MICAL3: variants seen among roughly 807,000 people sequenced by gnomAD.
MICAL3 encodes the protein [F-actin]-monooxygenase MICAL3.
Under a neutral mutation model 207.4 loss-of-function variants are expected in MICAL3, and 62 were observed. That is an observed-to-expected ratio of 0.30 (90% CI 0.24 to 0.37). The LOEUF is 0.37. MICAL3 is among the 10% of genes least tolerant of loss of function. The pLI is 1.00. For missense variants in MICAL3, 2,368 were observed against 2,635.6 expected, an observed-to-expected ratio of 0.90 and a Z score of 2.22; for synonymous variants, 1,077 against 1,069.3, an observed-to-expected ratio of 1.01 and a Z score of -0.14.
chr22:17,901,398 TGA>T (rs1408979952), intron 5 of MICAL3, among the ~76,000 whole-genome samples: 3 of 151,960 alleles, frequency 2.0e-5, no homozygotes, highest in African/African-American at 7.3e-5. Context: ...CTGGGCCAGG[TGA>T]GGTGGTTCAC....
At chr22:17,884,381 G>A in intron 16 of MICAL3, 1 of 1,565,120 alleles carries the variant, frequency 6.4e-7, no homozygotes, top group Non-Finnish European at 8.7e-7. Flanking sequence ...GGCCAAGTGT[G>A]GGTGGGGACA....
intron 1 of MICAL3, among the ~76,000 whole-genome samples, chr22:17,953,128 C>T (rs1008902329): frequency 6.6e-6 from 1 of 152,208 alleles, no homozygotes; most frequent in African/African-American, 2.4e-5. Context: ...GGGAAGCACT[C>T]CCATATCTTT....
intron 12 of MICAL3, 111 bp from the exon 13 acceptor site, chr22:17,889,341 G>T: frequency 1.5e-6 from 1 of 689,478 alleles, no homozygotes; most frequent in African/African-American, 1.8e-5. Flanking sequence ...AATCCAGGGT[G>T]CTGTGCATCG....
At chr22:17,942,501 C>T (rs886915439) in intron 1 of MICAL3, among the ~76,000 whole-genome samples, 4 of 152,192 alleles carry the variant, frequency 2.6e-5, no homozygotes, top group African/African-American at 9.6e-5. Context: ...TGTGCAGATC[C>T]ATGGGCATGA....
chr22:17,877,529 G>T (rs62240575), intron 16 of MICAL3, among the ~76,000 whole-genome samples: 1,888 of 40,126 alleles, frequency 0.047, 28 homozygotes, highest in East Asian at 0.071. Flanking sequence ...TTAGGGAGGT[G>T]AGGGAGGTTA....
chr22:17,827,802 G>A, intron 21 of MICAL3, 21 bp from the exon 22 acceptor site: 1 of 1,533,672 alleles, frequency 6.5e-7, no homozygotes. Flanking sequence ...AGGGTCAAGG[G>A]GTGGAGAAAT....
chr22:17,941,684 A>G (rs1052596954), intron 1 of MICAL3, among the ~76,000 whole-genome samples: 9 of 152,220 alleles, frequency 5.9e-5, no homozygotes, highest in African/African-American at 1.9e-4. Context: ...AGAAAAATGT[A>G]TTTTTACTAT....
chr22:17,827,093 T>C (rs5992867), intron 22 of MICAL3, among the ~76,000 whole-genome samples: 44,339 of 152,088 alleles, frequency 0.29, 6,883 homozygotes, highest in Non-Finnish European at 0.34. Context: ...CTTCTCTTAT[T>C]GCTATTCCTT....
At chr22:17,951,279 C>T (rs550888503) in intron 1 of MICAL3, among the ~76,000 whole-genome samples, 9 of 152,204 alleles carry the variant, frequency 5.9e-5, no homozygotes, top group East Asian at 1.9e-4. Flanking sequence ...GATCTGGACC[C>T]GGGGTCCGTC....
At chr22:17,968,140 G>C (rs890117111) in intron 1 of MICAL3, among the ~76,000 whole-genome samples, 6 of 152,308 alleles carry the variant, frequency 3.9e-5, no homozygotes, top group African/African-American at 1.4e-4. Flanking sequence ...CGGAAGAAAG[G>C]GTGGATCTGA....
chr22:17,919,232 T>C (rs955850079), intron 1 of MICAL3, among the ~76,000 whole-genome samples: 12 of 152,142 alleles, frequency 7.9e-5, no homozygotes, highest in African/African-American at 2.9e-4. Context: ...GCATAGCTAA[T>C]TGTTTTTTAC....
At chr22:17,981,176 T>A (rs1177296562) in intron 1 of MICAL3, among the ~76,000 whole-genome samples, 3 of 152,034 alleles carry the variant, frequency 2.0e-5, no homozygotes, top group Admixed American at 6.6e-5. Context: ...TAAATATATA[T>A]CATAAAATAC....
chr22:17,965,672 G>A (rs1335827551), intron 1 of MICAL3, among the ~76,000 whole-genome samples: 1 of 152,202 alleles, frequency 6.6e-6, no homozygotes, highest in Non-Finnish European at 1.5e-5. Context: ...AGTAAGAGCT[G>A]ACACCTGATC....
At chr22:17,970,018 T>C (rs577772944) in intron 1 of MICAL3, among the ~76,000 whole-genome samples, 1 of 152,212 alleles carries the variant, frequency 6.6e-6, no homozygotes, top group Non-Finnish European at 1.5e-5. Context: ...TTGGTCCACA[T>C]CTCTGCCCTG....
At chr22:17,821,908 C>T (rs878919846) in intron 24 of MICAL3, 122 bp downstream of exon 24, 3 of 1,274,016 alleles carry the variant, frequency 2.4e-6, no homozygotes, top group East Asian at 2.3e-5. Context: ...GCTGCCCACA[C>T]CTCGGAGGCT....
intron 15 of MICAL3, among the ~76,000 whole-genome samples, chr22:17,886,841 G>C (rs1478665386): frequency 6.7e-6 from 1 of 148,586 alleles, no homozygotes; most frequent in Non-Finnish European, 1.5e-5. Flanking sequence ...AATTAGCTGG[G>C]TGTGGTGGCA....
At chr22:17,969,087 GGCTGGAGTGCAGTA>G (rs1411743035) in intron 1 of MICAL3, among the ~76,000 whole-genome samples, 2 of 151,902 alleles carry the variant, frequency 1.3e-5, no homozygotes, top group African/African-American at 4.8e-5. Flanking sequence ...CTGTCACCCA[GGCTGGAGTGCAGTA>G]GCAGGATCTC....
intron 1 of MICAL3, among the ~76,000 whole-genome samples, chr22:17,995,359 T>A (rs1922157123): frequency 1.3e-5 from 2 of 152,012 alleles, no homozygotes; most frequent in Non-Finnish European, 2.9e-5. Context: ...AAAATTTTTG[T>A]AGAGACAGGG....
intron 1 of MICAL3, 48 bp from the exon 2 acceptor site, chr22:17,906,934 C>CAGAGA: frequency 1.0e-6 from 1 of 997,008 alleles, no homozygotes; most frequent in East Asian, 2.4e-5. Flanking sequence ...TGTCTACAAA[C>CAGAGA]ATTCTCCAGG....
Sources: gnomAD v4.1 joint callset for allele counts (sites outside exome capture counted in the v4.1 genomes callset) on GRCh38, gnomAD v4.1.1 for gene constraint, MANE v1.5 for transcripts, NCBI Gene and HGNC (gene_info 2026-07-23, HGNC 2026-07-21) for gene names.